SMAD2: variants seen among roughly 807,000 people sequenced by gnomAD.
SMAD2 encodes MAD homolog 2.
Under a neutral mutation model 64.4 loss-of-function variants are expected in SMAD2, and 8 were observed. That is an observed-to-expected ratio of 0.12 (90% CI 0.07 to 0.22). The LOEUF (loss-of-function observed/expected upper bound fraction) is 0.22, where lower values mean the gene tolerates loss of function less well. Ranked by LOEUF, SMAD2 falls within the 10% of genes least tolerant of loss-of-function variation. The probability of loss-of-function intolerance (pLI) is 1.00; values close to 1 mark genes in which losing one functional copy is unlikely to be tolerated. For synonymous variants in SMAD2, 203 were observed against 195.8 expected, an observed-to-expected ratio of 1.04 and a Z score of -0.31; for missense variants, 289 against 561.2, an observed-to-expected ratio of 0.51 and a Z score of 4.90.
rs1568014151 is a variant in SMAD2, at chr18:47,820,432, T to C, written c.*21395A>G. On this transcript the variant is annotated 3_prime_UTR_variant, in exon 11 of 11. Transcript: ENST00000262160. ...AAATTGCTTTTTATTGGGAAAAAAG[T>C]TGTTTAAATTCAGAGTTTATTAGAG... is the stretch of plus-strand genomic sequence containing the variant. The C allele has an allele frequency of 1.3e-5, 2 of 152,052 alleles. No individual in the cohort carries two copies. Among genetic ancestry groups the C allele is most frequent in the African/African-American group, 2.4e-5 (1 of 41,384 alleles). The allele number at this position is 152,052 out of a possible 1,614,324, so 9.4% of individuals were successfully genotyped here. A position where few individuals can be genotyped will look rare whatever the true frequency, so the allele number is the denominator to read the frequency against.
In SMAD2 at chr18:47,814,177, A is replaced by C. The variant is rs1409636098; in HGVS notation, c.*27650T>G. ...ATATTAAAGATTCCATTTTCTTCAT[A>C]TATGCCCCCCTGCTGTCTTTCCAAT... On this transcript the variant is annotated 3_prime_UTR_variant, in exon 11 of 11. Transcript: ENST00000262160. 6.6e-6 allele frequency: 1 copy of C among 152,182 alleles called. No individual in the cohort carries two copies. Among genetic ancestry groups the C allele is most frequent in the Non-Finnish European group, 1.5e-5 (1 of 68,062 alleles). The allele number at this position is 152,182 out of a possible 1,614,324, so 9.4% of individuals were successfully genotyped here. A position where few individuals can be genotyped will look rare whatever the true frequency, so the allele number is the denominator to read the frequency against.
rs1159368222 is a variant in SMAD2, at chr18:47,832,380, T to C, written c.*9447A>G. ...AGATTATTTATACAGTGGCAGGTGGTAGCAATTACAGTAAATTTTCTTGGG... is the reference window on the plus strand; with the variant it reads ...AGATTATTTATACAGTGGCAGGTGGCAGCAATTACAGTAAATTTTCTTGGG... On this transcript the variant is annotated 3_prime_UTR_variant, in exon 11 of 11. Transcript: ENST00000262160. 1.3e-5 allele frequency: 2 copies of C among 152,208 alleles called. No individual in the cohort carries two copies. The allele number at this position is 152,208 out of a possible 1,614,324, so 9.4% of individuals were successfully genotyped here. A position where few individuals can be genotyped will look rare whatever the true frequency, so the allele number is the denominator to read the frequency against.
At position 47,835,491 on chromosome 18, in the gene SMAD2, A is replaced by G. The variant is rs1048984264; in HGVS notation, c.*6336T>C. The G allele has an allele frequency of 1.0e-5, 2 of 197,792 alleles. No homozygotes were observed. The highest frequency in any genetic ancestry group is 1.0e-5 in the Non-Finnish European group (1 of 95,570). The allele number at this position is 197,792 out of a possible 1,614,324, so 12.3% of individuals were successfully genotyped here. Reference sequence around the variant, plus strand: ...TGGGAATAGTAAGAGTGGCAAACAAATGTTTTCTTAGGGACTTACTGAGAA... The same window carrying G: ...TGGGAATAGTAAGAGTGGCAAACAAGTGTTTTCTTAGGGACTTACTGAGAA... On this transcript the variant is annotated 3_prime_UTR_variant, in exon 11 of 11. Coordinates refer to ENST00000262160, the MANE Select transcript of SMAD2 (RefSeq NM_005901.6).
rs1188701261 is a variant in SMAD2 at position 47,809,886 on chromosome 18, G to C, written c.*31941C>G. 1 of 152,316 alleles carries C rather than the reference G, an allele frequency of 6.6e-6. No individual in the cohort carries two copies. The highest frequency in any genetic ancestry group is 1.5e-5 in the Non-Finnish European group (1 of 68,030). 9.4% of individuals were successfully genotyped at this position (152,316 alleles called of 1,614,324 possible). On this transcript the variant is annotated 3_prime_UTR_variant, in exon 11 of 11. Transcript: ENST00000262160. ...ATGGCCTGAGACATACTTGGATACA[G>C]AGTGGGGTGGACTCACTGAGAAACC...
rs1225198720 is a variant in SMAD2 at position 47,820,764 on chromosome 18, C to T, written c.*21063G>A. 2 of 151,964 alleles carry T rather than the reference C, an allele frequency of 1.3e-5. No individual in the cohort carries two copies. The highest frequency in any genetic ancestry group is 2.9e-5 in the Non-Finnish European group (2 of 67,964). The allele number at this position is 151,964 out of a possible 1,614,324, so 9.4% of individuals were successfully genotyped here. ...GTGTGTAATGAAGTTGGCAATAGGT[C>T]AGAATGAAATCATAAGACATTGAGC... On this transcript the variant is annotated 3_prime_UTR_variant, in exon 11 of 11. Coordinates refer to ENST00000262160, the MANE Select transcript of SMAD2 (RefSeq NM_005901.6).
chr18:47,860,145 C>T (rs2031061225), intron 6 of SMAD2, among the ~76,000 whole-genome samples: 2 of 151,768 alleles, frequency 1.3e-5, no homozygotes, highest in African/African-American at 4.8e-5. Context: ...ATTAATCAAT[C>T]CTATGACTTA....
intron 2 of SMAD2, among the ~76,000 whole-genome samples, chr18:47,882,700 A>G (rs886670561): frequency 5.9e-5 from 9 of 152,198 alleles, no homozygotes; most frequent in Non-Finnish European, 1.0e-4. Context: ...GATTGGTGAT[A>G]TTTGTTGCAC....
In SMAD2 at chr18:47,813,963, T is replaced by G. The variant is rs1394707473; in HGVS notation, c.*27864A>C. The G allele has an allele frequency of 1.3e-5, 2 of 151,844 alleles. No individual in the cohort carries two copies. Among genetic ancestry groups the G allele is most frequent in the African/African-American group, 2.4e-5 (1 of 41,324 alleles). The allele number at this position is 151,844 out of a possible 1,614,324, so 9.4% of individuals were successfully genotyped here. A position where few individuals can be genotyped will look rare whatever the true frequency, so the allele number is the denominator to read the frequency against. On this transcript the variant is annotated 3_prime_UTR_variant, in exon 11 of 11. Transcript: ENST00000262160. ...CAAAGGGAGTGATGAGAAGAGGCAA[T>G]GAAGTTTGGGGAGGGAAAGAAAAGT...
intron 1 of SMAD2, among the ~76,000 whole-genome samples, chr18:47,918,138 T>G (rs1219227043): frequency 1.3e-5 from 2 of 152,240 alleles, no homozygotes; most frequent in Admixed American, 1.3e-4. Context: ...ATTCAGTTCT[T>G]AGATTTCCGC....
At chr18:47,900,422 T>C (rs1420102166) in intron 1 of SMAD2, among the ~76,000 whole-genome samples, 1 of 152,162 alleles carries the variant, frequency 6.6e-6, no homozygotes, top group African/African-American at 2.4e-5. Flanking sequence ...TAAATGCCTC[T>C]ATTTAACGGC....
rs1240628181 is a variant in SMAD2, at chr18:47,818,764, T to C, written c.*23063A>G. 6.6e-6 allele frequency: 1 copy of C among 152,120 alleles called. No individual in the cohort carries two copies. Among genetic ancestry groups the C allele is most frequent in the Non-Finnish European group, 1.5e-5 (1 of 68,010 alleles). 9.4% of individuals were successfully genotyped at this position (152,120 alleles called of 1,614,324 possible). On this transcript the variant is annotated 3_prime_UTR_variant, in exon 11 of 11. Transcript: ENST00000262160. ...GAAAAAAGGGGTTGGGGAGGTGGGG[T>C]AAGAGGTTTTTTAAAAATCCAAACT...
chr18:47,852,850 C>CAA (rs1452324175), intron 6 of SMAD2, among the ~76,000 whole-genome samples: 7 of 152,220 alleles, frequency 4.6e-5, no homozygotes, highest in Admixed American at 1.3e-4. Context: ...AATCATGGCG[C>CAA]AACTAGTCTG....
At chr18:47,910,012 A>C (rs1598880287) in intron 1 of SMAD2, among the ~76,000 whole-genome samples, 2 of 152,314 alleles carry the variant, frequency 1.3e-5, no homozygotes, top group Admixed American at 1.3e-4. Flanking sequence ...TGGAAGGATT[A>C]CGCCATGGAA....
At position 47,888,460 on chromosome 18, in the gene SMAD2, A is replaced by G. The variant is rs181145982; in HGVS notation, c.236+8061T>C. On this transcript the variant is annotated intron_variant, in intron 2 of 10. Coordinates refer to ENST00000262160, the MANE Select transcript of SMAD2 (RefSeq NM_005901.6). ...CTTATCAGATCTTAAAGCTGAGGCT[A>G]AAGAGCTCATACTTTCAAAGTCACC... 3.3e-5 allele frequency among the ~76,000 whole-genome samples: 5 copies of G among 152,352 alleles called. No individual in the cohort carries two copies. In the East Asian group the frequency reaches 5.8e-4, roughly 18 times the overall value.
At chr18:47,916,312 G>A (rs1270355145) in intron 1 of SMAD2, among the ~76,000 whole-genome samples, 3 of 152,128 alleles carry the variant, frequency 2.0e-5, no homozygotes, top group Non-Finnish European at 4.4e-5. Context: ...AATCCCTCAC[G>A]TTTGGTTGCA....
chr18:47,899,253 T>G (rs539879586), intron 1 of SMAD2, among the ~76,000 whole-genome samples: 5 of 152,220 alleles, frequency 3.3e-5, no homozygotes, highest in African/African-American at 1.2e-4. Flanking sequence ...CAAACTAAAT[T>G]TGCTGTGACT....
At chr18:47,913,060 C>A (rs1248822601) in intron 1 of SMAD2, among the ~76,000 whole-genome samples, 1 of 152,026 alleles carries the variant, frequency 6.6e-6, no homozygotes, top group African/African-American at 2.4e-5. Context: ...GCTGGGATTA[C>A]AGGCACGCGT....
In SMAD2 at chr18:47,869,244, T is replaced by C. The variant is rs762342415; in HGVS notation, c.519A>G (p.Pro173=). 5.0e-6 allele frequency: 8 copies of C among 1,610,582 alleles called. No individual in the cohort carries two copies. The highest frequency in any genetic ancestry group is 6.8e-6 in the Non-Finnish European group (8 of 1,177,088). Residue 173 remains proline, a splice_region_variant and synonymous_variant, in exon 4 of 11, where the codon CCA becomes CCG. Transcript: ENST00000262160. ...NPYHYQRVET[P]VLPPVLVPRH... ...GAAAAAAACTTGCAATATTCCTACCTGGTGTCTCAACTCTCTGATAGTGGT... is the reference window on the plus strand; with the variant it reads ...GAAAAAAACTTGCAATATTCCTACCCGGTGTCTCAACTCTCTGATAGTGGT...
chr18:47,919,778 C>A (rs780373979), intron 1 of SMAD2, among the ~76,000 whole-genome samples: 12 of 152,166 alleles, frequency 7.9e-5, no homozygotes, highest in Admixed American at 2.0e-4. Context: ...CCATAAAGAA[C>A]AGCTTTGTAC....
Sources: allele counts gnomAD v4.1 joint callset (sites outside exome capture counted in the v4.1 genomes callset), GRCh38; gene constraint gnomAD v4.1.1; transcripts MANE v1.5; gene names NCBI Gene and HGNC (gene_info 2026-07-23, HGNC 2026-07-21).